VEZT: variants seen among roughly 807,000 people sequenced by gnomAD.
The protein encoded by VEZT is vezatin, adherens junctions transmembrane protein.
VEZT carries 39 observed loss-of-function variants against 79.9 expected under a neutral mutation model. The observed-to-expected ratio is 0.49, with a 90% CI of 0.38 to 0.64. The LOEUF (loss-of-function observed/expected upper bound fraction) is 0.64, where lower values mean the gene tolerates loss of function less well. Ranked by LOEUF, VEZT falls within the 30% of genes least tolerant of loss-of-function variation. The probability of loss-of-function intolerance (pLI) is 0.00; values close to 1 mark genes in which losing one functional copy is unlikely to be tolerated. For synonymous variants in VEZT, 325 were observed against 327.6 expected, an observed-to-expected ratio of 0.99 and a Z score of 0.09; for missense variants, 837 against 893.1, an observed-to-expected ratio of 0.94 and a Z score of 0.80.
rs371147230 is a variant in VEZT at position 95,282,476 on chromosome 12, C to T, written c.1160C>T (p.Ala387Val). ...CAAGGTCTACCTCATGCTCATTCTG[C>T]CTGTTTGGAAGAGCTTAAGCGCAGC... Reference protein sequence around the residue: ...VTQGLPHAHSACLEELKRSYE... With the variant: ...VTQGLPHAHSVCLEELKRSYE... Residue 387 changes from alanine (A) to valine (V), a missense_variant, in exon 8 of 12, where the codon GCC (alanine) becomes GTC (valine). Physicochemically the swap from Ala to Val is moderately conservative, Grantham distance 64. Transcript: ENST00000436874. 4.3e-6 allele frequency: 7 copies of T among 1,613,802 alleles called. No homozygotes were observed. The African/African-American group carries it at 9.3e-5, about 22-fold the overall frequency.
chr12:95,240,073 G>GAAGAAAGA (rs1555246829), intron 1 of VEZT, among the ~76,000 whole-genome samples: 48 of 98,990 alleles, frequency 4.8e-4, no homozygotes, highest in African/African-American at 1.4e-3. Flanking sequence ...AGGAAGGAAG[G>GAAGAAAGA]AAGAAAAGAA....
At chr12:95,282,143 T>C in intron 7 of VEZT, among the ~76,000 whole-genome samples, 170 bp from the exon 8 acceptor site, 1 of 152,122 alleles carries the variant, frequency 6.6e-6, no homozygotes, top group East Asian at 1.9e-4. Flanking sequence ...CACACATAAT[T>C]TGAAATCATA....
chr12:95,270,148 T>A lies in VEZT; in HGVS notation c.808T>A (p.Phe270Ile), dbSNP rs1252105672. Residue 270 changes from phenylalanine to isoleucine, a missense_variant, in exon 6 of 12, where the codon TTC (phenylalanine) becomes ATC (isoleucine). Coordinates refer to ENST00000436874, the MANE Select transcript of VEZT (RefSeq NM_017599.4). ...TGTCTACCGAACTCTAAGAGCCAAC[T>A]TCCAAGCAGCAAGGCTAGCTACCCT... Reference protein sequence around the residue: ...KAVYRTLRANFQAARLATLYM... With the variant: ...KAVYRTLRANIQAARLATLYM... 6.2e-7 allele frequency: 1 copy of A among 1,611,038 alleles called. No individual in the cohort carries two copies. The highest frequency in any genetic ancestry group is 8.5e-7 in the Non-Finnish European group (1 of 1,178,638).
At chr12:95,288,589 T>C (rs2071627428) in intron 9 of VEZT, among the ~76,000 whole-genome samples, 1 of 152,238 alleles carries the variant, frequency 6.6e-6, no homozygotes, top group South Asian at 2.1e-4. Flanking sequence ...AGATAATTAA[T>C]GCTTTACCAT....
Position 95,302,767 on chromosome 12 carries a change from T to C in VEZT, c.*2094T>C, listed in dbSNP as rs2075343823. The stretch of plus-strand genomic sequence containing the variant: ...TGGAATGAGCCATAGGTAATGTTTA[T>C]GTCCAATAAAATCTAGGAACCTCTG... On this transcript the variant is annotated 3_prime_UTR_variant, in exon 12 of 12. Coordinates refer to ENST00000436874, the MANE Select transcript of VEZT (RefSeq NM_017599.4). 6.6e-6 allele frequency: 1 copy of C among 152,236 alleles called. No homozygotes were observed. Among genetic ancestry groups the C allele is most frequent in the Non-Finnish European group, 1.5e-5 (1 of 68,054 alleles). 9.4% of individuals were successfully genotyped at this position (152,236 alleles called of 1,614,324 possible). A position where few individuals can be genotyped will look rare whatever the true frequency, so the allele number is the denominator to read the frequency against.
intron 1 of VEZT, among the ~76,000 whole-genome samples, chr12:95,232,894 T>C (rs2059465487): frequency 6.6e-6 from 1 of 151,936 alleles, no homozygotes; most frequent in South Asian, 2.1e-4. Flanking sequence ...CATCCTCTAC[T>C]TCCCAAGCTC....
intron 1 of VEZT, among the ~76,000 whole-genome samples, chr12:95,235,042 C>A (rs2059835527): frequency 1.3e-5 from 2 of 151,610 alleles, no homozygotes; most frequent in African/African-American, 4.8e-5. Flanking sequence ...AATGAAAAGT[C>A]TCCCATGTCT....
At position 95,244,985 on chromosome 12, in the gene VEZT, C is replaced by A. The variant is rs543944136; in HGVS notation, c.37-6955C>A. 4.9e-4 allele frequency among the ~76,000 whole-genome samples: 75 copies of A among 152,270 alleles called. No homozygotes were observed. In the Middle Eastern group the frequency reaches 0.014, roughly 28 times the overall value. On this transcript the variant is annotated intron_variant, in intron 1 of 11. Transcript: ENST00000436874. Reference sequence around the variant, plus strand: ...AGGTGGCTCATGCCTGTAATCCCAGCACTTTGGGAGTCTGAGATGGGCGGA... The same window carrying A: ...AGGTGGCTCATGCCTGTAATCCCAGAACTTTGGGAGTCTGAGATGGGCGGA...
intron 7 of VEZT, among the ~76,000 whole-genome samples, chr12:95,276,166 CAA>C (rs1181708909): frequency 6.6e-6 from 1 of 151,322 alleles, no homozygotes; most frequent in East Asian, 1.9e-4. Flanking sequence ...AGAAAGTAAC[CAA>C]AGATATACCC....
At chr12:95,233,759 G>A (rs1436272920) in intron 1 of VEZT, among the ~76,000 whole-genome samples, 3 of 152,220 alleles carry the variant, frequency 2.0e-5, no homozygotes, top group African/African-American at 2.4e-5. Context: ...ATCTATATGT[G>A]TATGTGTATA....
At chr12:95,263,185 C>T in intron 4 of VEZT, 104 bp downstream of exon 4, 1 of 1,041,950 alleles carries the variant, frequency 9.6e-7, no homozygotes, top group Non-Finnish European at 1.3e-6. Flanking sequence ...ACATTCCATA[C>T]ATTTAGCAGT....
chr12:95,268,306 T>C (rs2065918389), intron 5 of VEZT, among the ~76,000 whole-genome samples: 1 of 151,902 alleles, frequency 6.6e-6, no homozygotes, highest in African/African-American at 2.4e-5. Context: ...CTATCCTGGC[T>C]AACACGGTGA....
intron 7 of VEZT, among the ~76,000 whole-genome samples, chr12:95,279,834 G>C (rs548383663): frequency 3.9e-5 from 5 of 128,564 alleles, no homozygotes; most frequent in Non-Finnish European, 5.7e-5. Flanking sequence ...CTGGCCTCAA[G>C]TGAGCCTCCC....
chr12:95,255,740 C>T (rs1301520577), intron 2 of VEZT, among the ~76,000 whole-genome samples: 1 of 152,058 alleles, frequency 6.6e-6, no homozygotes, highest in Non-Finnish European at 1.5e-5. Flanking sequence ...CTTGAATATC[C>T]TTTTAATCAT....
At position 95,263,051 on chromosome 12, in the gene VEZT, C is replaced by CA; in HGVS notation, c.405dup (p.Leu136ThrfsTer8). Reference sequence around the variant, plus strand: ...CAACAGGAAAATGGACACCTTCCAACACTTTGCTCCCTGGCAACCCCTAAT... The same window carrying CA: ...CAACAGGAAAATGGACACCTTCCAACAACTTTGCTCCCTGGCAACCCCTAAT... On this transcript the variant is annotated frameshift_variant, in exon 4 of 12. Coordinates refer to ENST00000436874, the MANE Select transcript of VEZT (RefSeq NM_017599.4). LOFTEE classifies it high-confidence loss of function. The CA allele has an allele frequency of 6.2e-7, 1 of 1,610,982 alleles. No homozygotes were observed. Among genetic ancestry groups the CA allele is most frequent in the South Asian group, 1.1e-5 (1 of 90,824 alleles).
At chr12:95,245,446 C>T (rs552557250) in intron 1 of VEZT, 8 of 453,118 alleles carry the variant, frequency 1.8e-5, no homozygotes, top group Admixed American at 7.1e-5. Flanking sequence ...CTTGATGAAC[C>T]GTGGTTTTAT....
intron 7 of VEZT, among the ~76,000 whole-genome samples, chr12:95,281,734 C>T (rs1234004831): frequency 1.3e-5 from 2 of 151,868 alleles, no homozygotes; most frequent in East Asian, 1.9e-4. Context: ...TTAGTAGAGA[C>T]GAGGTTTCAC....
chr12:95,292,102 T>C (rs1002616315), intron 9 of VEZT, among the ~76,000 whole-genome samples: 2 of 152,168 alleles, frequency 1.3e-5, no homozygotes, highest in African/African-American at 4.8e-5. Flanking sequence ...ATCCGGCCTC[T>C]TGCTAGATTT....
intron 1 of VEZT, among the ~76,000 whole-genome samples, chr12:95,235,326 C>T (rs1458394621): frequency 2.1e-5 from 3 of 140,592 alleles, no homozygotes; most frequent in Non-Finnish European, 3.1e-5. Flanking sequence ...GGCGGCTGGC[C>T]GGGCAGAGGG....
Sources: allele counts gnomAD v4.1 joint callset (sites outside exome capture counted in the v4.1 genomes callset), GRCh38; gene constraint gnomAD v4.1.1; transcripts MANE v1.5; gene names NCBI Gene and HGNC (gene_info 2026-07-23, HGNC 2026-07-21).